Variants in RALGPS2 observed in about 807,000 individuals in gnomAD.
The protein encoded by RALGPS2 is ras-specific guanine nucleotide-releasing factor RalGPS2.
A neutral mutation model predicts 86.8 loss-of-function variants in RALGPS2; 43 were observed. The ratio of observed to expected loss-of-function variants is 0.50; its 90% confidence interval spans 0.39 to 0.64. The LOEUF (loss-of-function observed/expected upper bound fraction) is 0.64. Among genes scored for constraint, RALGPS2 ranks in the 30% least tolerant of loss-of-function variants. The pLI is 0.00. For synonymous variants in RALGPS2, 243 were observed against 231.3 expected (o/e 1.05, Z -0.46); for missense variants, 536 against 694.6 (o/e 0.77, Z 2.57).
At chr1:178,755,345 C>G (rs545939579) in intron 1 of RALGPS2, among the ~76,000 whole-genome samples, 1 of 152,266 alleles carries the variant, frequency 6.6e-6, no homozygotes, top group South Asian at 2.1e-4. Context: ...CTTTCCCTCA[C>G]TACTCCTGCT....
At chr1:178,747,182 C>A in intron 1 of RALGPS2, 1 of 1,092,674 alleles carries the variant, frequency 9.2e-7, no homozygotes, top group South Asian at 1.2e-5. Flanking sequence ...GGTGCTGGAG[C>A]GTCCAGTGCC....
At chr1:178,791,371 C>T (rs1448460454) in intron 4 of RALGPS2, among the ~76,000 whole-genome samples, 1 of 151,694 alleles carries the variant, frequency 6.6e-6, no homozygotes, top group Non-Finnish European at 1.5e-5. Flanking sequence ...TCAAGCGATC[C>T]CCCGGCCTCG....
At chr1:178,746,345 A>G (rs1651329885) in intron 1 of RALGPS2, among the ~76,000 whole-genome samples, 1 of 152,204 alleles carries the variant, frequency 6.6e-6, no homozygotes, top group Admixed American at 6.5e-5. Flanking sequence ...ATATTTTTTT[A>G]TTTAACAAAA....
intron 11 of RALGPS2, among the ~76,000 whole-genome samples, chr1:178,883,904 G>A (rs868703411): frequency 6.6e-6 from 1 of 151,984 alleles, no homozygotes; most frequent in Admixed American, 6.6e-5. Context: ...CAGCAGAATG[G>A]CGTGAACCCG....
intron 1 of RALGPS2, among the ~76,000 whole-genome samples, chr1:178,743,197 C>A (rs978241173): frequency 1.3e-5 from 2 of 152,130 alleles, no homozygotes; most frequent in Admixed American, 1.3e-4. Flanking sequence ...CAGAGTGAGA[C>A]CCTGTCTCTT....
chr1:178,808,014 C>G (rs748931356), intron 4 of RALGPS2, 31 bp from the exon 5 acceptor site: 25 of 1,434,762 alleles, frequency 1.7e-5, no homozygotes, highest in South Asian at 2.3e-5. Context: ...TAGGCTATTA[C>G]TTAAATTTAA....
At chr1:178,849,428 G>A (rs1268084842) in intron 8 of RALGPS2, among the ~76,000 whole-genome samples, 1 of 150,214 alleles carries the variant, frequency 6.7e-6, no homozygotes. Context: ...AAGGTTGTAT[G>A]TTGACTTTCA....
At chr1:178,850,206 A>AAC in intron 8 of RALGPS2, 1 of 152,710 alleles carries the variant, frequency 6.5e-6, no homozygotes, top group East Asian at 1.9e-4. Context: ...AATACTTGTA[A>AAC]AGCTGTCCAA....
chr1:178,770,127 C>T (rs1436949451), intron 1 of RALGPS2, among the ~76,000 whole-genome samples: 7 of 151,652 alleles, frequency 4.6e-5, no homozygotes, highest in African/African-American at 1.7e-4. Context: ...GGTGATTCTC[C>T]TGCTTCAGTG....
chr1:178,741,953 T>C (rs1253109190), intron 1 of RALGPS2, among the ~76,000 whole-genome samples: 1 of 151,764 alleles, frequency 6.6e-6, no homozygotes, highest in Non-Finnish European at 1.5e-5. Context: ...CTGGCCAACA[T>C]GTTGAGACCC....
At chr1:178,759,178 T>C (rs1652105354) in intron 1 of RALGPS2, among the ~76,000 whole-genome samples, 1 of 152,214 alleles carries the variant, frequency 6.6e-6, no homozygotes, top group South Asian at 2.1e-4. Flanking sequence ...TCCAAGTGTT[T>C]TCTTGTAGTA....
rs1651993219 is a variant in RALGPS2 at position 178,757,044 on chromosome 1, G to T, written c.-83-19638G>T. Among the ~76,000 whole-genome samples the T allele has an allele frequency of 3.3e-5, 5 of 152,024 alleles. No homozygotes were observed. The South Asian group carries it at 1.0e-3, about 32-fold the overall frequency. Reference sequence around the variant, plus strand: ...TTTGTTTGTTTCTATGTATTCCTAGGTATTTTGTTGTTGTTGATTCTATTG... The same window carrying T: ...TTTGTTTGTTTCTATGTATTCCTAGTTATTTTGTTGTTGTTGATTCTATTG... On this transcript the variant is annotated intron_variant, in intron 1 of 19. Transcript: ENST00000367635.
At chr1:178,795,926 A>G (rs931455469) in intron 4 of RALGPS2, among the ~76,000 whole-genome samples, 2 of 152,172 alleles carry the variant, frequency 1.3e-5, no homozygotes, top group African/African-American at 4.8e-5. Flanking sequence ...CAATTAATAA[A>G]TATAATGAGA....
At chr1:178,731,240 T>G (rs1470867423) in intron 1 of RALGPS2, among the ~76,000 whole-genome samples, 1 of 150,352 alleles carries the variant, frequency 6.7e-6, no homozygotes, top group Non-Finnish European at 1.5e-5. Context: ...TCTTCAAATT[T>G]AGCAGATGAT....
At chr1:178,847,055 G>C (rs1475048934) in intron 8 of RALGPS2, among the ~76,000 whole-genome samples, 1 of 152,090 alleles carries the variant, frequency 6.6e-6, no homozygotes, top group Non-Finnish European at 1.5e-5. Flanking sequence ...TAAAATTTGG[G>C]GTATCTGTGT....
intron 4 of RALGPS2, among the ~76,000 whole-genome samples, chr1:178,787,733 T>C (rs1359446787): frequency 6.6e-6 from 1 of 152,172 alleles, no homozygotes; most frequent in Admixed American, 6.5e-5. Flanking sequence ...TCCCTTTGAT[T>C]TTTTTAACCT....
intron 1 of RALGPS2, among the ~76,000 whole-genome samples, chr1:178,766,674 A>G (rs994374470): frequency 2.0e-5 from 3 of 152,154 alleles, no homozygotes; most frequent in African/African-American, 7.2e-5. Context: ...GGCTGCCTTT[A>G]ACATTTTTTC....
At chr1:178,783,594 T>C (rs1282712567) in intron 2 of RALGPS2, among the ~76,000 whole-genome samples, 1 of 152,148 alleles carries the variant, frequency 6.6e-6, no homozygotes, top group Non-Finnish European at 1.5e-5. Flanking sequence ...AACTAATACA[T>C]AATAGCTGGT....
At chr1:178,774,589 G>A (rs1558113497) in intron 1 of RALGPS2, among the ~76,000 whole-genome samples, 1 of 152,130 alleles carries the variant, frequency 6.6e-6, no homozygotes, top group Non-Finnish European at 1.5e-5. Context: ...ATTATCAGCT[G>A]GTTTTGTTGC....
Sources: gnomAD v4.1 joint callset for allele counts (sites outside exome capture counted in the v4.1 genomes callset) on GRCh38, gnomAD v4.1.1 for gene constraint, MANE v1.5 for transcripts, NCBI Gene and HGNC (gene_info 2026-07-23, HGNC 2026-07-21) for gene names.